MYO5B: variants seen among roughly 807,000 people sequenced by gnomAD.
The protein encoded by MYO5B is unconventional myosin-Vb.
A neutral mutation model predicts 229.3 loss-of-function variants in MYO5B; 143 were observed. That is an observed-to-expected ratio of 0.62 (90% CI 0.54 to 0.72). MYO5B has a LOEUF of 0.72. Ranked by LOEUF, MYO5B falls within the 30% of genes least tolerant of loss-of-function variation. The pLI, the probability that MYO5B is intolerant of heterozygous loss-of-function variation, is 0.00. For synonymous variants in MYO5B, 918 were observed against 885.2 expected (o/e 1.04, Z -0.66); for missense variants, 2,321 against 2,331.0 (o/e 1.00, Z 0.09).
At chr18:50,119,440 A>T (rs2032021624) in intron 1 of MYO5B, among the ~76,000 whole-genome samples, 1 of 152,162 alleles carries the variant, frequency 6.6e-6, no homozygotes, top group Non-Finnish European at 1.5e-5. Context: ...GGATTCAGAG[A>T]TTGCTGTCAC....
At chr18:50,101,865 C>T (rs562364262) in intron 1 of MYO5B, among the ~76,000 whole-genome samples, 1 of 152,186 alleles carries the variant, frequency 6.6e-6, no homozygotes, top group South Asian at 2.1e-4. Flanking sequence ...ACCATTTCAC[C>T]CAGCAATCCC....
chr18:50,055,185 T>A (rs914700575), intron 2 of MYO5B, 83 bp downstream of exon 2: 9 of 943,956 alleles, frequency 9.5e-6, no homozygotes, highest in African/African-American at 6.5e-5. Context: ...CAGCCCACAA[T>A]GTACTATCTA....
chr18:50,097,903 C>T (rs890879263), intron 1 of MYO5B, among the ~76,000 whole-genome samples: 1 of 152,180 alleles, frequency 6.6e-6, no homozygotes. Flanking sequence ...CTGGAGACAG[C>T]ATGACTTCAG....
chr18:50,107,878 T>A (rs1423301783), intron 1 of MYO5B, among the ~76,000 whole-genome samples: 1 of 152,132 alleles, frequency 6.6e-6, no homozygotes, highest in African/African-American at 2.4e-5. Context: ...CCAACTCCCA[T>A]GTGACCCTCC....
chr18:50,090,353 A>AC (rs1197733785), intron 1 of MYO5B, among the ~76,000 whole-genome samples: 1 of 151,522 alleles, frequency 6.6e-6, no homozygotes, highest in East Asian at 1.9e-4. Context: ...AAAAAAAAAA[A>AC]AATTCCCTCT....
chr18:50,041,757 T>G (rs537398829), intron 2 of MYO5B, among the ~76,000 whole-genome samples: 120 of 152,324 alleles, frequency 7.9e-4, no homozygotes, highest in African/African-American at 2.6e-3. Flanking sequence ...GCCAAAACCA[T>G]GTAGGAAAAT....
intron 4 of MYO5B, among the ~76,000 whole-genome samples, chr18:50,028,001 GA>G (rs1349362518): frequency 2.0e-5 from 3 of 152,172 alleles, no homozygotes; most frequent in African/African-American, 7.2e-5. Context: ...AAGCAAATTA[GA>G]GGTTACCTGG....
Position 50,078,337 on chromosome 18 carries a change from G to C in MYO5B, c.28-22959C>G, listed in dbSNP as rs557174945. 2.6e-5 allele frequency among the ~76,000 whole-genome samples: 4 copies of C among 152,268 alleles called. No homozygotes were observed. In the South Asian group the frequency reaches 8.3e-4, roughly 32 times the overall value. On this transcript the variant is annotated intron_variant, in intron 1 of 39. Coordinates refer to ENST00000285039, the MANE Select transcript of MYO5B (RefSeq NM_001080467.3). The stretch of plus-strand genomic sequence containing the variant: ...ATATGCCATTTAGTATTATGACACA[G>C]CACAGACAAAGGCGAGAAAGCACAT...
intron 34 of MYO5B, 30 bp from the exon 35 acceptor site, chr18:49,841,484 T>TA (rs1270472567): frequency 3.1e-6 from 5 of 1,588,322 alleles, no homozygotes; most frequent in Non-Finnish European, 4.3e-6. Context: ...TCCTCAGCTC[T>TA]AAGTGGCTCC....
intron 39 of MYO5B, among the ~76,000 whole-genome samples, chr18:49,831,555 G>A (rs908427523): frequency 1.3e-5 from 2 of 152,126 alleles, no homozygotes; most frequent in Admixed American, 1.3e-4. Flanking sequence ...ACCACAATGA[G>A]ATGCCACTTC....
chr18:50,012,656 A>G (rs1382085910), intron 4 of MYO5B, among the ~76,000 whole-genome samples: 1 of 152,208 alleles, frequency 6.6e-6, no homozygotes, highest in African/African-American at 2.4e-5. Flanking sequence ...ACCTGCCCTG[A>G]AAATTCACCA....
intron 29 of MYO5B, among the ~76,000 whole-genome samples, chr18:49,861,010 T>G (rs1034922622): frequency 1.5e-4 from 23 of 152,238 alleles, no homozygotes; most frequent in African/African-American, 5.5e-4. Flanking sequence ...TCATGAACAC[T>G]TCCCAAAGCT....
intron 21 of MYO5B, among the ~76,000 whole-genome samples, chr18:49,897,057 C>T (rs2024786794): frequency 6.6e-6 from 1 of 152,140 alleles, no homozygotes; most frequent in African/African-American, 2.4e-5. Context: ...GGAGAGTTGC[C>T]CGAGTCTCTG....
intron 1 of MYO5B, among the ~76,000 whole-genome samples, chr18:50,086,502 C>A (rs2031333109): frequency 6.6e-6 from 1 of 152,336 alleles, no homozygotes. Flanking sequence ...GTGTGTATCA[C>A]AATTGACATA....
At chr18:50,018,411 A>G (rs955943611) in intron 4 of MYO5B, among the ~76,000 whole-genome samples, 3 of 152,030 alleles carry the variant, frequency 2.0e-5, no homozygotes, top group Non-Finnish European at 2.9e-5. Flanking sequence ...AACTTCTTCA[A>G]TTGTTCATTC....
At chr18:50,127,139 T>C (rs984461101) in intron 1 of MYO5B, among the ~76,000 whole-genome samples, 2 of 152,074 alleles carry the variant, frequency 1.3e-5, no homozygotes, top group Admixed American at 1.3e-4. Flanking sequence ...GTTGCTTGAG[T>C]TTACATTGCT....
At chr18:49,998,637 A>G (rs1598941390) in intron 5 of MYO5B, among the ~76,000 whole-genome samples, 2 of 152,384 alleles carry the variant, frequency 1.3e-5, no homozygotes, top group East Asian at 3.9e-4. Context: ...AGGTAGAAGA[A>G]TAAACAAAAT....
intron 1 of MYO5B, among the ~76,000 whole-genome samples, chr18:50,075,802 G>A (rs900229455): frequency 1.3e-5 from 2 of 152,252 alleles, no homozygotes; most frequent in African/African-American, 2.4e-5. Context: ...GGAGCATGGA[G>A]CCAGAACCCC....
chr18:50,177,812 G>A (rs147617975), intron 1 of MYO5B, among the ~76,000 whole-genome samples: 63 of 152,292 alleles, frequency 4.1e-4, no homozygotes, highest in African/African-American at 1.5e-3. Context: ...TGCAAGGCAG[G>A]CACACCCAGC....
Sources: allele counts gnomAD v4.1 joint callset (sites outside exome capture counted in the v4.1 genomes callset), GRCh38; gene constraint gnomAD v4.1.1; transcripts MANE v1.5; gene names NCBI Gene and HGNC (gene_info 2026-07-23, HGNC 2026-07-21).